The following KCTD8 variants were observed in gnomAD, a reference collection of about 807,000 sequenced individuals.
KCTD8 encodes the protein potassium channel tetramerization domain containing 8.
In KCTD8, 27 loss-of-function variants were observed where a neutral mutation model predicts 31.5. That is an observed-to-expected ratio of 0.86 (90% CI 0.63 to 1.18). KCTD8 has a LOEUF of 1.18. Among genes scored for constraint, KCTD8 ranks in the 50% most tolerant of loss-of-function variants. KCTD8 has a pLI of 0.00. For synonymous variants in KCTD8, 290 were observed against 280.0 expected, an observed-to-expected ratio of 1.04 and a Z score of -0.36; for missense variants, 658 against 647.7, an observed-to-expected ratio of 1.02 and a Z score of -0.17.
chr4:44,285,908 T>A (rs958979198), intron 1 of KCTD8, among the ~76,000 whole-genome samples: 3 of 152,118 alleles, frequency 2.0e-5, no homozygotes, highest in African/African-American at 7.2e-5. Flanking sequence ...ATATTTGTTA[T>A]TCATGGGAGA....
At chr4:44,338,758 A>G (rs2109417128) in intron 1 of KCTD8, among the ~76,000 whole-genome samples, 1 of 152,358 alleles carries the variant, frequency 6.6e-6, no homozygotes, top group East Asian at 1.9e-4. Context: ...AAAGAACTCT[A>G]TAGTAGAGCA....
At chr4:44,282,038 T>G (rs1208571068) in intron 1 of KCTD8, among the ~76,000 whole-genome samples, 1 of 152,102 alleles carries the variant, frequency 6.6e-6, no homozygotes, top group African/African-American at 2.4e-5. Flanking sequence ...TCTAGCTTGA[T>G]TAACTACATA....
At chr4:44,447,301 TC>T (rs1721966884) in intron 1 of KCTD8, among the ~76,000 whole-genome samples, 1 of 152,062 alleles carries the variant, frequency 6.6e-6, no homozygotes, top group African/African-American at 2.4e-5. Flanking sequence ...GAAGGCAAGA[TC>T]AATAAAGTTC....
At chr4:44,376,130 C>T (rs956830363) in intron 1 of KCTD8, among the ~76,000 whole-genome samples, 1 of 152,078 alleles carries the variant, frequency 6.6e-6, no homozygotes, top group African/African-American at 2.4e-5. Flanking sequence ...ATGGATGTAC[C>T]AGAAAAGAAA....
In KCTD8 at chr4:44,257,641, C is replaced by T. The variant is rs904915629; in HGVS notation, c.962-82391G>A. On this transcript the variant is annotated intron_variant, in intron 1 of 1. Coordinates refer to ENST00000360029, the MANE Select transcript of KCTD8 (RefSeq NM_198353.3). ...TTAGCTATAGTCACTTCTAGTTAGA[C>T]GTCTTTCCATTTTTAACAAGTCTTT... 4.6e-5 allele frequency among the ~76,000 whole-genome samples: 7 copies of T among 152,096 alleles called. No individual in the cohort carries two copies. The South Asian group carries it at 1.2e-3, about 27-fold the overall frequency.
At chr4:44,335,932 C>T (rs1718728304) in intron 1 of KCTD8, among the ~76,000 whole-genome samples, 1 of 151,372 alleles carries the variant, frequency 6.6e-6, no homozygotes. Context: ...GGGCGGATCA[C>T]GAGGTCAGGA....
chr4:44,218,418 G>A (rs1714713035), intron 1 of KCTD8, among the ~76,000 whole-genome samples: 1 of 151,590 alleles, frequency 6.6e-6, no homozygotes. Flanking sequence ...ACAGGCATGA[G>A]CCACTGTGCC....
chr4:44,419,591 T>A (rs571778036), intron 1 of KCTD8, among the ~76,000 whole-genome samples: 83 of 151,970 alleles, frequency 5.5e-4, no homozygotes, highest in Non-Finnish European at 1.1e-3. Context: ...CTCAGCAAAC[T>A]ATCACAAGGG....
chr4:44,269,701 G>T (rs1266696079), intron 1 of KCTD8, among the ~76,000 whole-genome samples: 1 of 151,392 alleles, frequency 6.6e-6, no homozygotes, highest in Non-Finnish European at 1.5e-5. Context: ...CAAGAAAAAA[G>T]CAAACAACCC....
chr4:44,366,897 T>C (rs948014390), intron 1 of KCTD8, among the ~76,000 whole-genome samples: 6 of 152,166 alleles, frequency 3.9e-5, no homozygotes, highest in Non-Finnish European at 8.8e-5. Flanking sequence ...CTGTATGTGT[T>C]CTATCTGCTC....
chr4:44,338,611 G>A (rs551175124), intron 1 of KCTD8, among the ~76,000 whole-genome samples: 1 of 152,272 alleles, frequency 6.6e-6, no homozygotes, highest in South Asian at 2.1e-4. Flanking sequence ...GTGTGCGTGA[G>A]TGATACCACA....
chr4:44,205,426 A>G (rs1714273622), intron 1 of KCTD8, among the ~76,000 whole-genome samples: 2 of 152,186 alleles, frequency 1.3e-5, no homozygotes, highest in Admixed American at 1.3e-4. Flanking sequence ...CCATTTGGAA[A>G]ACATATTTAT....
chr4:44,329,016 C>A lies in KCTD8; in HGVS notation c.961+118547G>T, dbSNP rs191899884. On this transcript the variant is annotated intron_variant, in intron 1 of 1. Coordinates refer to ENST00000360029, the MANE Select transcript of KCTD8 (RefSeq NM_198353.3). ...ATAACTGACAGATTATAAAGTCTTT[C>A]TTATAGTCTTGCTAAGTTTTGGGAT... Among the ~76,000 whole-genome samples the A allele has an allele frequency of 7.2e-5, 11 of 151,930 alleles. No individual in the cohort carries two copies. In the East Asian group the frequency reaches 2.1e-3, roughly 29 times the overall value.
chr4:44,416,943 A>G (rs184809158), intron 1 of KCTD8, among the ~76,000 whole-genome samples: 1 of 152,326 alleles, frequency 6.6e-6, no homozygotes, highest in Admixed American at 6.5e-5. Flanking sequence ...TATATTTTGA[A>G]GGCTTGCTAT....
intron 1 of KCTD8, among the ~76,000 whole-genome samples, chr4:44,206,872 T>C (rs931306217): frequency 4.6e-5 from 7 of 152,232 alleles, no homozygotes; most frequent in South Asian, 2.1e-4. Flanking sequence ...AGGTATGCTA[T>C]GCAGGTTAAG....
At chr4:44,362,621 A>G (rs934777706) in intron 1 of KCTD8, among the ~76,000 whole-genome samples, 40 of 152,094 alleles carry the variant, frequency 2.6e-4, no homozygotes, top group Non-Finnish European at 8.8e-5. Flanking sequence ...GTGAGTTGAA[A>G]TAGAAACCAG....
intron 1 of KCTD8, among the ~76,000 whole-genome samples, chr4:44,436,257 A>T (rs1023692862): frequency 2.0e-5 from 3 of 152,122 alleles, no homozygotes; most frequent in African/African-American, 7.2e-5. Flanking sequence ...ATATTGGTAC[A>T]GAAGAACAAT....
intron 1 of KCTD8, among the ~76,000 whole-genome samples, chr4:44,294,044 A>T (rs910359561): frequency 6.6e-6 from 1 of 152,206 alleles, no homozygotes; most frequent in Non-Finnish European, 1.5e-5. Context: ...TAGGAAAAGG[A>T]TAATGTTCAT....
At chr4:44,393,235 G>A (rs1720414973) in intron 1 of KCTD8, among the ~76,000 whole-genome samples, 1 of 151,958 alleles carries the variant, frequency 6.6e-6, no homozygotes, top group African/African-American at 2.4e-5. Flanking sequence ...TCAAAAGTAT[G>A]ATCAGGTTTC....
Sources: allele counts gnomAD v4.1 joint callset (sites outside exome capture counted in the v4.1 genomes callset), GRCh38; gene constraint gnomAD v4.1.1; transcripts MANE v1.5; gene names NCBI Gene and HGNC (gene_info 2026-07-23, HGNC 2026-07-21).